PPP2R2B: variants seen among roughly 807,000 people sequenced by gnomAD.
PPP2R2B encodes the protein protein phosphatase 2 regulatory subunit Bbeta, also known as serine/threonine-protein phosphatase 2A 55 kDa regulatory subunit B beta isoform.
Under a neutral mutation model 46.0 loss-of-function variants are expected in PPP2R2B, and 5 were observed. The observed-to-expected ratio is 0.11, with a 90% CI of 0.06 to 0.23. The LOEUF (loss-of-function observed/expected upper bound fraction) is 0.23. Ranked by LOEUF, PPP2R2B falls within the 10% of genes least tolerant of loss-of-function variation. PPP2R2B has a pLI of 1.00. For synonymous variants in PPP2R2B, 215 were observed against 206.7 expected, an observed-to-expected ratio of 1.04 and a Z score of -0.34; for missense variants, 367 against 575.0, an observed-to-expected ratio of 0.64 and a Z score of 3.70.
At chr5:146,744,523 T>C (rs188138645) in intron 2 of PPP2R2B, among the ~76,000 whole-genome samples, 8 of 152,170 alleles carry the variant, frequency 5.3e-5, no homozygotes, top group Admixed American at 4.6e-4. Context: ...AACACTGCCC[T>C]TCCAGCAGTG....
At chr5:146,864,569 C>T (rs1377199162) in intron 2 of PPP2R2B, among the ~76,000 whole-genome samples, 2 of 152,064 alleles carry the variant, frequency 1.3e-5, no homozygotes, top group Non-Finnish European at 2.9e-5. Context: ...TCACCAGGTT[C>T]CATATACTCA....
chr5:147,002,260 G>A (rs1222373341), intron 1 of PPP2R2B, among the ~76,000 whole-genome samples: 1 of 152,066 alleles, frequency 6.6e-6, no homozygotes, highest in African/African-American at 2.4e-5. Context: ...TTGTAGAGGG[G>A]ATTATCTGGA....
At chr5:147,003,326 G>T (rs959125114) in intron 1 of PPP2R2B, among the ~76,000 whole-genome samples, 1 of 152,050 alleles carries the variant, frequency 6.6e-6, no homozygotes, top group Non-Finnish European at 1.5e-5. Flanking sequence ...CCGGGCTATA[G>T]GTTATGTCCC....
Position 146,738,003 on chromosome 5 carries a change from G to A in PPP2R2B, c.71-36861C>T, listed in dbSNP as rs150977600. ...CTACTCAGACCTGGGGACTATGTTC[G>A]ACCTTGAAGGTACAAAGACCATCAA... is the stretch of plus-strand genomic sequence containing the variant. On this transcript the variant is annotated intron_variant, in intron 2 of 9. Transcript: ENST00000394411. 4.9e-3 allele frequency among the ~76,000 whole-genome samples: 751 copies of A among 152,040 alleles called. 4 individuals are homozygous for A. The highest frequency in any genetic ancestry group is 0.01 in the Admixed American group (157 of 15,272).
chr5:146,967,752 C>G (rs985652416), intron 1 of PPP2R2B, among the ~76,000 whole-genome samples: 1 of 152,164 alleles, frequency 6.6e-6, no homozygotes, highest in Non-Finnish European at 1.5e-5. Context: ...CTGCAGCTAG[C>G]CCTCCTCCCT....
intron 2 of PPP2R2B, among the ~76,000 whole-genome samples, chr5:146,853,044 A>G (rs1371324197): frequency 6.6e-6 from 1 of 152,158 alleles, no homozygotes; most frequent in Non-Finnish European, 1.5e-5. Context: ...ATTAACAGAG[A>G]TTAAAGATCT....
intron 2 of PPP2R2B, among the ~76,000 whole-genome samples, chr5:146,754,388 A>C (rs1346132605): frequency 6.6e-6 from 1 of 152,236 alleles, no homozygotes; most frequent in Admixed American, 6.5e-5. Context: ...GCAACTAAAG[A>C]GAATGAAGTT....
chr5:146,751,202 C>T (rs542721292), intron 2 of PPP2R2B: 1 of 152,376 alleles, frequency 6.6e-6, no homozygotes, highest in Admixed American at 6.5e-5. Flanking sequence ...TCAACATGTG[C>T]TATTTAATCC....
At chr5:147,077,295 C>T (rs1205281911) in intron 2 of PPP2R2B, among the ~76,000 whole-genome samples, 3 of 147,744 alleles carry the variant, frequency 2.0e-5, no homozygotes, top group African/African-American at 7.6e-5. Context: ...CACACACACA[C>T]ACACACACAC....
rs559317517 is a variant in PPP2R2B at position 146,692,730 on chromosome 5, T to G, written c.335-1490A>C. On this transcript the variant is annotated intron_variant, in intron 4 of 9. Coordinates refer to ENST00000394411, the MANE Select transcript of PPP2R2B (RefSeq NM_181675.4). ...TTTGTATTTCTAGTAGAGACGGGGT[T>G]TCACCGTGTTAGCCAGGATGGTCTC... Among the ~76,000 whole-genome samples the G allele has an allele frequency of 4.0e-5, 6 of 151,808 alleles. No individual in the cohort carries two copies. The South Asian group carries it at 1.3e-3, about 32-fold the overall frequency.
intron 2 of PPP2R2B, among the ~76,000 whole-genome samples, chr5:146,717,885 T>C (rs576061075): frequency 2.0e-5 from 3 of 152,166 alleles, no homozygotes; most frequent in African/African-American, 7.2e-5. Flanking sequence ...CTCTTCATTT[T>C]AAAAAATTTC....
intron 1 of PPP2R2B, among the ~76,000 whole-genome samples, chr5:147,004,414 C>T (rs777815292): frequency 2.0e-5 from 3 of 152,176 alleles, no homozygotes; most frequent in Non-Finnish European, 2.9e-5. Flanking sequence ...CATTGAGGAC[C>T]AGGAAATTGA....
intron 1 of PPP2R2B, among the ~76,000 whole-genome samples, chr5:146,993,661 T>C (rs1338694342): frequency 6.6e-6 from 1 of 152,156 alleles, no homozygotes; most frequent in African/African-American, 2.4e-5. Flanking sequence ...AGCCTCAGCT[T>C]TCTTATTTGT....
At chr5:146,700,537 A>C (rs927204710) in intron 3 of PPP2R2B, among the ~76,000 whole-genome samples, 1 of 152,082 alleles carries the variant, frequency 6.6e-6, no homozygotes, top group African/African-American at 2.4e-5. Flanking sequence ...TGATACTGTG[A>C]TGTGTGTCAT....
At chr5:147,075,605 A>G (rs938157477) in intron 2 of PPP2R2B, among the ~76,000 whole-genome samples, 3 of 152,156 alleles carry the variant, frequency 2.0e-5, no homozygotes, top group African/African-American at 7.2e-5. Context: ...GTTCAAAATG[A>G]AGCTCATGAT....
intron 7 of PPP2R2B, among the ~76,000 whole-genome samples, chr5:146,637,620 G>A (rs774496745): frequency 6.6e-6 from 1 of 152,084 alleles, no homozygotes; most frequent in Non-Finnish European, 1.5e-5. Flanking sequence ...TTTTGTGGCT[G>A]TTCACTCACT....
At chr5:146,800,036 G>GA (rs1003746901) in intron 2 of PPP2R2B, among the ~76,000 whole-genome samples, 6 of 151,156 alleles carry the variant, frequency 4.0e-5, no homozygotes, top group African/African-American at 1.2e-4. Flanking sequence ...GAATCGATCT[G>GA]AAAAAAAACC....
At chr5:146,934,671 A>G (rs1764084389) in intron 1 of PPP2R2B, among the ~76,000 whole-genome samples, 1 of 148,366 alleles carries the variant, frequency 6.7e-6, no homozygotes, top group Non-Finnish European at 1.5e-5. Flanking sequence ...TAGCTTTTCT[A>G]GGTTTAGCTG....
chr5:146,766,926 T>C (rs1754516144), intron 2 of PPP2R2B, among the ~76,000 whole-genome samples: 3 of 151,708 alleles, frequency 2.0e-5, no homozygotes, highest in Admixed American at 1.3e-4. Flanking sequence ...AGGTGGCGCA[T>C]GCCTGTTGTC....
Sources: allele counts gnomAD v4.1 joint callset (sites outside exome capture counted in the v4.1 genomes callset), GRCh38; gene constraint gnomAD v4.1.1; transcripts MANE v1.5; gene names NCBI Gene and HGNC (gene_info 2026-07-23, HGNC 2026-07-21).